The following PRKG1 variants were observed in gnomAD, a reference collection of about 807,000 sequenced individuals.
PRKG1 encodes protein kinase cGMP-dependent 1.
PRKG1 carries 35 observed loss-of-function variants against 88.1 expected under a neutral mutation model. The observed-to-expected ratio is 0.40, with a 90% CI of 0.30 to 0.53. PRKG1 has a LOEUF of 0.53. PRKG1 is among the 20% of genes least tolerant of loss of function. PRKG1 has a pLI of 0.59. For missense variants in PRKG1, 540 were observed against 839.8 expected (o/e 0.64, Z 4.41); for synonymous variants, 303 against 292.5 (o/e 1.04, Z -0.37).
intron 4 of PRKG1, among the ~76,000 whole-genome samples, chr10:51,874,077 G>T (rs367956559): frequency 4.6e-4 from 70 of 152,118 alleles, no homozygotes; most frequent in African/African-American, 1.6e-3. Context: ...AATTATTTGA[G>T]CCAAATTTAA....
chr10:51,200,125 G>A (rs1411604289), intron 2 of PRKG1, among the ~76,000 whole-genome samples: 1 of 152,164 alleles, frequency 6.6e-6, no homozygotes, highest in Non-Finnish European at 1.5e-5. Flanking sequence ...AAATTTATGA[G>A]GTGAAAAATA....
At chr10:51,022,294 C>G (rs1843149019) in intron 1 of PRKG1, among the ~76,000 whole-genome samples, 1 of 152,158 alleles carries the variant, frequency 6.6e-6, no homozygotes, top group African/African-American at 2.4e-5. Flanking sequence ...CTAAGCCACT[C>G]TTATAGCATA....
At position 51,804,693 on chromosome 10, in the gene PRKG1, A is replaced by G. The variant is rs777376364; in HGVS notation, c.698+3A>G. The G allele has an allele frequency of 6.5e-7, 1 of 1,533,866 alleles. No homozygotes were observed. Among genetic ancestry groups the G allele is most frequent in the Admixed American group, 1.7e-5 (1 of 59,582 alleles). On this transcript the variant is annotated splice_donor_region_variant and intron_variant, in intron 4 of 17. Transcript: ENST00000373980. ...GAGTATATGGAATTTTTAAAAAGGT[A>G]GGATGCTTTCTTTTCTCTTGTGAGA...
intron 7 of PRKG1, among the ~76,000 whole-genome samples, chr10:52,098,539 G>T (rs61849907): frequency 6.6e-6 from 1 of 152,270 alleles, no homozygotes; most frequent in African/African-American, 2.4e-5. Flanking sequence ...GGCCGGGCGC[G>T]GTGGCTCACG....
chr10:51,610,014 C>A (rs1359067801), intron 3 of PRKG1, among the ~76,000 whole-genome samples: 2 of 152,084 alleles, frequency 1.3e-5, no homozygotes, highest in African/African-American at 2.4e-5. Context: ...TTTTTTTGAT[C>A]CATTGTATTT....
At chr10:51,727,274 C>CAA (rs1259062564) in intron 3 of PRKG1, among the ~76,000 whole-genome samples, 1 of 141,456 alleles carries the variant, frequency 7.1e-6, no homozygotes, top group East Asian at 2.1e-4. Context: ...GACCCCATTG[C>CAA]AAAAAAAAAA....
chr10:51,836,846 A>G (rs1429484868), intron 4 of PRKG1, among the ~76,000 whole-genome samples: 2 of 152,168 alleles, frequency 1.3e-5, no homozygotes, highest in Non-Finnish European at 2.9e-5. Flanking sequence ...CTACTGAACA[A>G]TGACCCAGAG....
rs958814108 is a variant in PRKG1, at chr10:51,052,835, G to A, written c.266+61191G>A. On this transcript the variant is annotated intron_variant, in intron 1 of 17. Coordinates refer to the PRKG1 transcript ENST00000401604. ...TTGCCTGTCATGGGTTAGATAAAGC[G>A]TTTTTCTATATAAAGGGTCTTATAA... 5.3e-5 allele frequency among the ~76,000 whole-genome samples: 8 copies of A among 152,246 alleles called. No individual in the cohort carries two copies. The South Asian group carries it at 6.2e-4, about 12-fold the overall frequency.
chr10:51,145,710 C>T (rs930441611), intron 1 of PRKG1, among the ~76,000 whole-genome samples: 1 of 152,094 alleles, frequency 6.6e-6, no homozygotes, highest in Non-Finnish European at 1.5e-5. Flanking sequence ...AAAAGAACAA[C>T]AATTTTCTTT....
rs566401662 is a variant in PRKG1 at position 51,826,656 on chromosome 10, C to T, written c.698+21966C>T. 6.6e-5 allele frequency among the ~76,000 whole-genome samples: 10 copies of T among 152,212 alleles called. No homozygotes were observed. The East Asian group carries it at 1.7e-3, about 26-fold the overall frequency. On this transcript the variant is annotated intron_variant, in intron 4 of 17. Transcript: ENST00000373980. ...AGGAATGGACCCTGTCCACAAGTGT[C>T]TACTATGTCTGGGGAAAGGGTTTCT... is the stretch of plus-strand genomic sequence containing the variant.
At chr10:52,282,398 C>T in intron 14 of PRKG1, 82 bp downstream of exon 14, 1 of 1,326,792 alleles carries the variant, frequency 7.5e-7, no homozygotes. Context: ...TTGGATTAGA[C>T]CATCTTAAAG....
At chr10:51,115,386 A>ATATATATATATATATATATATATATATAT (rs1465710988) in intron 1 of PRKG1, among the ~76,000 whole-genome samples, 1,856 of 69,692 alleles carry the variant, frequency 0.027, 202 homozygotes, top group Non-Finnish European at 0.04. Flanking sequence ...TATATATATA[A>ATATATATATATATATATATATATATATAT]AACAAATGTG....
rs532922230 is a variant in PRKG1, at chr10:51,309,947, C to CT, written c.478+156618dup. 2.2e-3 allele frequency among the ~76,000 whole-genome samples: 332 copies of CT among 152,212 alleles called. 2 individuals carry two copies. Among genetic ancestry groups the CT allele is most frequent in the Admixed American group, 6.1e-3 (93 of 15,270 alleles). Reference sequence around the variant, plus strand: ...AAGAATGAAATTGTGTCTTTTGCAACTACATGGATGGAACTGGAGGTCATT... The same window carrying CT: ...AAGAATGAAATTGTGTCTTTTGCAACTTACATGGATGGAACTGGAGGTCATT... On this transcript the variant is annotated intron_variant, in intron 2 of 17. Transcript: ENST00000373980.
At chr10:51,933,179 T>C (rs1842731089) in intron 5 of PRKG1, among the ~76,000 whole-genome samples, 1 of 152,160 alleles carries the variant, frequency 6.6e-6, no homozygotes, top group Non-Finnish European at 1.5e-5. Context: ...GTTCAGACTT[T>C]ACTAAAGGGG....
chr10:51,425,975 T>G (rs554021059), intron 2 of PRKG1, among the ~76,000 whole-genome samples: 2 of 152,144 alleles, frequency 1.3e-5, no homozygotes, highest in Non-Finnish European at 2.9e-5. Flanking sequence ...TGTAAAGGTT[T>G]TATAAATGAA....
At position 52,062,595 on chromosome 10, in the gene PRKG1, G is replaced by A. The variant is rs748034833; in HGVS notation, c.899G>A (p.Gly300Glu). The change falls in exon 7 of 18, where the codon GGA becomes GAA. Residue 300 changes from glycine (G) to glutamate (E), a missense_variant. Gly to Glu is a moderately conservative substitution (Grantham distance 98). This residue lies in a region of PRKG1 where 400 missense variants were observed against 562.7 expected (regional missense o/e 0.71). Transcript: ENST00000373980. ...SEDPVFLRTLGKGDWFGEKAL... is the reference protein window; with the variant it reads ...SEDPVFLRTLEKGDWFGEKAL... ...GACCCAGTCTTTCTTAGAACTTTAGGAAAAGGAGACTGGTTTGGAGAGAAA... is the reference window on the plus strand; with the variant it reads ...GACCCAGTCTTTCTTAGAACTTTAGAAAAAGGAGACTGGTTTGGAGAGAAA... The A allele has an allele frequency of 6.2e-7, 1 of 1,609,676 alleles. No individual in the cohort carries two copies. Among genetic ancestry groups the A allele is most frequent in the African/African-American group, 1.3e-5 (1 of 74,698 alleles).
intron 5 of PRKG1, among the ~76,000 whole-genome samples, chr10:51,964,189 G>A (rs1843514195): frequency 6.6e-6 from 1 of 152,150 alleles, no homozygotes; most frequent in African/African-American, 2.4e-5. Flanking sequence ...TGATCCTGGT[G>A]TTTGGGTTCA....
rs1280503976 is a variant in PRKG1 at position 52,184,924 on chromosome 10, ATCC to A, written c.1076+22962_1076+22964del. ...CATTCATGAGGGATCCACCCCCATG[ATCC>A]AGTCACCTCCTACCAGGCTCCACCT... is the stretch of plus-strand genomic sequence containing the variant. On this transcript the variant is annotated intron_variant, in intron 9 of 17. Transcript: ENST00000373980. 3.3e-5 allele frequency: 5 copies of A among 152,356 alleles called. No individual in the cohort carries two copies. In the East Asian group the frequency reaches 9.7e-4, roughly 29 times the overall value. The allele number at this position is 152,356 out of a possible 1,614,324, so 9.4% of individuals were successfully genotyped here.
chr10:51,402,388 T>C (rs1251051928), intron 2 of PRKG1, among the ~76,000 whole-genome samples: 1 of 152,202 alleles, frequency 6.6e-6, no homozygotes. Flanking sequence ...ATTCCTCACA[T>C]GTCTGTGGGA....
Sources: gnomAD v4.1 joint callset for allele counts (sites outside exome capture counted in the v4.1 genomes callset) on GRCh38, gnomAD v4.1.1 for gene constraint, gnomAD v4.1.1 regional missense constraint, MANE v1.5 for transcripts, NCBI Gene and HGNC (gene_info 2026-07-23, HGNC 2026-07-21) for gene names.